The following SCAPER variants were observed in gnomAD, a reference collection of about 807,000 sequenced individuals.
The protein encoded by SCAPER is S-phase cyclin A associated protein in the ER, also known as S phase cyclin A-associated protein in the endoplasmic reticulum.
SCAPER carries 98 observed loss-of-function variants against 182.2 expected under a neutral mutation model. The observed-to-expected ratio is 0.54, with a 90% CI of 0.46 to 0.64. The LOEUF (loss-of-function observed/expected upper bound fraction) is 0.64, where lower values mean the gene tolerates loss of function less well. Ranked by LOEUF, SCAPER falls within the 30% of genes least tolerant of loss-of-function variation. The probability of loss-of-function intolerance (pLI) is 0.00; values close to 1 mark genes in which losing one functional copy is unlikely to be tolerated. For synonymous variants in SCAPER, 605 were observed against 564.6 expected (o/e 1.07, Z -1.01); for missense variants, 1,432 against 1,690.0 (o/e 0.85, Z 2.68).
chr15:76,538,562 G>A (rs780746820), intron 23 of SCAPER, among the ~76,000 whole-genome samples: 1 of 152,112 alleles, frequency 6.6e-6, no homozygotes, highest in East Asian at 1.9e-4. Flanking sequence ...TCTGTGGACT[G>A]TTGTGGGGTC....
chr15:76,783,683 C>A (rs1385474997), intron 8 of SCAPER, among the ~76,000 whole-genome samples: 3 of 152,186 alleles, frequency 2.0e-5, no homozygotes, highest in Non-Finnish European at 4.4e-5. Context: ...AAAAGCTTAT[C>A]CACCACCATC....
At chr15:76,661,451 A>G (rs1238317329) in intron 21 of SCAPER, among the ~76,000 whole-genome samples, 9 of 152,206 alleles carry the variant, frequency 5.9e-5, no homozygotes, top group Non-Finnish European at 1.3e-4. Flanking sequence ...TCTAATATCC[A>G]TAATTTACAA....
chr15:76,407,983 A>ACAAAAC (rs1237781048), intron 26 of SCAPER, among the ~76,000 whole-genome samples: 1 of 152,204 alleles, frequency 6.6e-6, no homozygotes, highest in Admixed American at 6.6e-5. Flanking sequence ...CTTAAAAAAA[A>ACAAAAC]CAAAACCACA....
At chr15:76,869,694 G>A (rs1568375299) in intron 2 of SCAPER, among the ~76,000 whole-genome samples, 1 of 152,068 alleles carries the variant, frequency 6.6e-6, no homozygotes, top group South Asian at 2.1e-4. Context: ...AGAACAGTAT[G>A]AAAGTTCCCC....
At chr15:76,349,454 T>C (rs1026004781) in intron 31 of SCAPER, 1 of 152,018 alleles carries the variant, frequency 6.6e-6, no homozygotes, top group Admixed American at 6.6e-5. Context: ...AAGTAAACAA[T>C]TGCAGCTAGA....
Position 76,534,488 on chromosome 15 carries a change from A to G in SCAPER, c.2839-29514T>C, listed in dbSNP as rs577524557. ...GATTAGAAGCCAGTAGAAAAAGGGT[A>G]ACATTTTCTCTCTAAAGGACAGTTT... is the stretch of plus-strand genomic sequence containing the variant. On this transcript the variant is annotated intron_variant, in intron 23 of 31. Coordinates refer to ENST00000563290, the MANE Select transcript of SCAPER (RefSeq NM_020843.4). 4.6e-5 allele frequency among the ~76,000 whole-genome samples: 7 copies of G among 152,336 alleles called. No homozygotes were observed. In the East Asian group the frequency reaches 1.3e-3, roughly 29 times the overall value.
chr15:76,903,968 C>T (rs1173658885), intron 1 of SCAPER, among the ~76,000 whole-genome samples: 1 of 152,224 alleles, frequency 6.6e-6, no homozygotes, highest in Non-Finnish European at 1.5e-5. Context: ...CATCAGATTA[C>T]TTCTCCCACA....
rs772326482 is a variant in SCAPER at position 76,404,637 on chromosome 15, G to A, written c.3354C>T (p.Cys1118=). ...NMGLIDKLCA[C]FLSVQGPVDE... is the part of the protein sequence containing the mutation. ...CCACTGGGCCTTGCACCGAGAGGAA[G>A]CAGGCACACAGTTTGTCAATCAGAC... The change falls in exon 27 of 32, where the codon TGC becomes TGT. Residue 1118 remains cysteine (C), a synonymous_variant. Coordinates refer to ENST00000563290, the MANE Select transcript of SCAPER (RefSeq NM_020843.4). 7.4e-6 allele frequency: 12 copies of A among 1,613,114 alleles called. No homozygotes were observed. The highest frequency in any genetic ancestry group is 1.0e-5 in the Non-Finnish European group (12 of 1,179,766).
intron 28 of SCAPER, among the ~76,000 whole-genome samples, chr15:76,377,038 G>C (rs910082418): frequency 1.3e-5 from 2 of 152,158 alleles, no homozygotes; most frequent in Non-Finnish European, 2.9e-5. Context: ...GAGGGCAAAG[G>C]GGAGAGGCGA....
intron 22 of SCAPER, among the ~76,000 whole-genome samples, chr15:76,600,453 A>T (rs200727429): frequency 0.013 from 912 of 70,392 alleles, 111 homozygotes; most frequent in African/African-American, 0.032. Flanking sequence ...ATATATATAT[A>T]TTTTTTTTTT....
chr15:76,578,728 C>G (rs986218305), intron 22 of SCAPER, among the ~76,000 whole-genome samples: 1 of 152,186 alleles, frequency 6.6e-6, no homozygotes, highest in Non-Finnish European at 1.5e-5. Flanking sequence ...CCTTTGGATA[C>G]CTGGAAAACA....
At chr15:76,882,733 T>G (rs12050866) in intron 2 of SCAPER, among the ~76,000 whole-genome samples, 50,908 of 152,104 alleles carry the variant, frequency 0.33, 8,798 homozygotes, top group East Asian at 0.56. Flanking sequence ...GGCACGATCT[T>G]GGCTCACTGA....
At chr15:76,461,549 G>GGT (rs949493279) in intron 25 of SCAPER, among the ~76,000 whole-genome samples, 4 of 151,510 alleles carry the variant, frequency 2.6e-5, no homozygotes, top group African/African-American at 9.7e-5. Flanking sequence ...TTTTATTTCA[G>GGT]GTATTGTATT....
intron 22 of SCAPER, among the ~76,000 whole-genome samples, chr15:76,588,874 T>G (rs1460576669): frequency 6.6e-6 from 1 of 152,156 alleles, no homozygotes; most frequent in Non-Finnish European, 1.5e-5. Flanking sequence ...GGGTAGGCTA[T>G]GTCAGAGGGA....
At chr15:76,527,706 G>A (rs966420682) in intron 23 of SCAPER, among the ~76,000 whole-genome samples, 6 of 152,208 alleles carry the variant, frequency 3.9e-5, no homozygotes, top group South Asian at 4.1e-4. Flanking sequence ...CGGACAAGGA[G>A]CACAACAGAA....
At chr15:76,537,396 C>T (rs1444910911) in intron 23 of SCAPER, among the ~76,000 whole-genome samples, 2 of 152,066 alleles carry the variant, frequency 1.3e-5, no homozygotes, top group African/African-American at 4.8e-5. Context: ...CAGAACAGAG[C>T]CCTCAGAAAT....
chr15:76,621,816 C>G lies in SCAPER; in HGVS notation c.2659G>C (p.Glu887Gln). 1.2e-6 allele frequency: 2 copies of G among 1,605,962 alleles called. No individual in the cohort carries two copies. The highest frequency in any genetic ancestry group is 1.7e-6 in the Non-Finnish European group (2 of 1,175,962). The part of the protein sequence containing the change: ...ARMNFRAKEY[E>Q]SLMETKNSGS... ...GAATTTTTGGTTTCCATTAAACTCT[C>G]ATATTCCTTAGCCCTGAAGAGAAAA... Residue 887 changes from glutamate (E) to glutamine (Q), a missense_variant, in exon 22 of 32, where the codon GAG becomes CAG. Coordinates refer to ENST00000563290, the MANE Select transcript of SCAPER (RefSeq NM_020843.4).
chr15:76,508,440 G>A (rs550076687), intron 23 of SCAPER, among the ~76,000 whole-genome samples: 1 of 152,204 alleles, frequency 6.6e-6, no homozygotes, highest in African/African-American at 2.4e-5. Context: ...AGAACTGCTG[G>A]GTCACAGAGT....
chr15:76,510,888 T>TGTGTGTGTGTGTGTGTGTGCGC (rs1491205462), intron 23 of SCAPER, among the ~76,000 whole-genome samples: 1 of 141,090 alleles, frequency 7.1e-6, no homozygotes, highest in African/African-American at 2.6e-5. Context: ...TGTGTGTGTG[T>TGTGTGTGTGTGTGTGTGTGCGC]GCGCGCGCGC....
Sources: allele counts gnomAD v4.1 joint callset (sites outside exome capture counted in the v4.1 genomes callset), GRCh38; gene constraint gnomAD v4.1.1; transcripts MANE v1.5; gene names NCBI Gene and HGNC (gene_info 2026-07-23, HGNC 2026-07-21).